Variants in EPB41L5 observed in about 807,000 individuals in gnomAD.
EPB41L5 encodes band 4.1-like protein 5.
In EPB41L5, 55 loss-of-function variants were observed where a neutral mutation model predicts 106.6. That is an observed-to-expected ratio of 0.52 (90% CI 0.42 to 0.65). EPB41L5 has a LOEUF of 0.65. Ranked by LOEUF, EPB41L5 falls within the 30% of genes least tolerant of loss-of-function variation. The probability of loss-of-function intolerance (pLI) is 0.00; values close to 1 mark genes in which losing one functional copy is unlikely to be tolerated. For missense variants in EPB41L5, 871 were observed against 882.1 expected, an observed-to-expected ratio of 0.99 and a Z score of 0.16; for synonymous variants, 297 against 306.7, an observed-to-expected ratio of 0.97 and a Z score of 0.33.
intron 2 of EPB41L5, among the ~76,000 whole-genome samples, chr2:120,036,971 G>A (rs865846410): frequency 3.3e-5 from 5 of 151,930 alleles, no homozygotes; most frequent in Admixed American, 2.0e-4. Flanking sequence ...ACATAGTACT[G>A]GAACTTCTGT....
At position 120,019,098 on chromosome 2, in the gene EPB41L5, T is replaced by C. The variant is rs2105120124; in HGVS notation, c.14T>C (p.Phe5Ser). The C allele has an allele frequency of 6.2e-7, 1 of 1,602,134 alleles. No homozygotes were observed. The highest frequency in any genetic ancestry group is 2.2e-5 in the East Asian group (1 of 44,782). Residue 5 changes from phenylalanine to serine, a missense_variant, in exon 2 of 25, where the codon TTC (phenylalanine) becomes TCC (serine). Transcript: ENST00000263713. The part of the protein sequence containing the change: MLSF[F>S]RRTLGRRSMR... ...ATAGTGACAAAAATGCTGAGTTTCT[T>C]CCGTAGAACACTAGGGCGTCGGTCT...
intron 7 of EPB41L5, 93 bp from the exon 8 acceptor site, chr2:120,076,878 G>A: frequency 8.4e-7 from 1 of 1,196,566 alleles, no homozygotes; most frequent in Non-Finnish European, 1.1e-6. Flanking sequence ...AAATTCCTAA[G>A]AATCTTTCTA....
chr2:120,046,302 T>A (rs1285336877), intron 3 of EPB41L5, among the ~76,000 whole-genome samples: 5 of 152,132 alleles, frequency 3.3e-5, no homozygotes, highest in Non-Finnish European at 5.9e-5. Flanking sequence ...ATGTCTCCAC[T>A]TCCTCTCCAG....
At chr2:120,060,128 T>G (rs995911562) in intron 3 of EPB41L5, among the ~76,000 whole-genome samples, 1 of 152,218 alleles carries the variant, frequency 6.6e-6, no homozygotes, top group Non-Finnish European at 1.5e-5. Flanking sequence ...TTGGTGAGAA[T>G]GTGCAGAAAT....
At chr2:120,104,607 T>G in intron 16 of EPB41L5, 1 of 991,796 alleles carries the variant, frequency 1.0e-6, no homozygotes, top group Non-Finnish European at 1.2e-6. Flanking sequence ...GAGATCGAGG[T>G]TAAAAGAATC....
intron 24 of EPB41L5, among the ~76,000 whole-genome samples, chr2:120,168,284 GT>G (rs780921796): frequency 7.9e-5 from 12 of 152,100 alleles, no homozygotes; most frequent in Non-Finnish European, 1.3e-4. Context: ...AATTTGTATT[GT>G]TTCCCTTTAC....
At chr2:120,084,766 C>CA (rs1682938760) in intron 10 of EPB41L5, among the ~76,000 whole-genome samples, 1 of 152,212 alleles carries the variant, frequency 6.6e-6, no homozygotes, top group South Asian at 2.1e-4. Context: ...GTACACCAAT[C>CA]AGACGTAGAT....
Position 120,161,393 on chromosome 2 carries a change from T to A in EPB41L5, c.1887+419T>A, listed in dbSNP as rs78507120. 5.5e-3 allele frequency among the ~76,000 whole-genome samples: 765 copies of A among 140,150 alleles called. 4 individuals are homozygous for A. Among genetic ancestry groups the A allele is most frequent in the African/African-American group, 0.019 (726 of 38,204 alleles). The allele number at this position is 140,150 out of a possible 152,430, so 91.9% of individuals were successfully genotyped here. A position where few individuals can be genotyped will look rare whatever the true frequency, so the allele number is the denominator to read the frequency against. ...ACTGTCTCAAAAAAAAAAAAAAAAA[T>A]GTGATAAAAGCATTGAGCCACAGTT... On this transcript the variant is annotated intron_variant, in intron 21 of 24. Transcript: ENST00000263713.
intron 13 of EPB41L5, among the ~76,000 whole-genome samples, chr2:120,092,119 C>T (rs1683462838): frequency 6.6e-6 from 1 of 152,070 alleles, no homozygotes; most frequent in Admixed American, 6.5e-5. Flanking sequence ...ACCTCCACCT[C>T]CCAGATTCAA....
intron 3 of EPB41L5, among the ~76,000 whole-genome samples, chr2:120,050,024 A>C (rs1410570398): frequency 1.3e-5 from 2 of 152,194 alleles, no homozygotes; most frequent in African/African-American, 4.8e-5. Flanking sequence ...AGTTTCTGCC[A>C]AGAGATCCAC....
intron 16 of EPB41L5, among the ~76,000 whole-genome samples, chr2:120,127,303 A>G (rs1685496744): frequency 1.3e-5 from 2 of 152,198 alleles, no homozygotes; most frequent in African/African-American, 4.8e-5. Context: ...CATGAATCTT[A>G]TTCCAACAAA....
Position 120,078,520 on chromosome 2 carries a change from G to A in EPB41L5, c.742G>A (p.Gly248Arg), listed in dbSNP as rs772917687. The A allele has an allele frequency of 6.2e-7, 1 of 1,608,984 alleles. No homozygotes were observed. Among genetic ancestry groups the A allele is most frequent in the Non-Finnish European group, 8.5e-7 (1 of 1,177,598 alleles). Reference sequence around the variant, plus strand: ...TAGAGATGGGAATGACTATAGTTTGGGACTAACACCAACAGGAGTCCTTGT... The same window carrying A: ...TAGAGATGGGAATGACTATAGTTTGAGACTAACACCAACAGGAGTCCTTGT... ...KARDGNDYSLGLTPTGVLVFE... is the reference protein window; with the variant it reads ...KARDGNDYSLRLTPTGVLVFE... The change falls in exon 10 of 25, where the codon GGA becomes AGA. Residue 248 changes from glycine (G) to arginine (R), a missense_variant. Physicochemically the swap from Gly to Arg is moderately radical, Grantham distance 125 (BLOSUM62 -2). Transcript: ENST00000263713.
intron 18 of EPB41L5, among the ~76,000 whole-genome samples, chr2:120,132,880 G>A (rs1713072): frequency 3.3e-5 from 5 of 151,790 alleles, no homozygotes; most frequent in African/African-American, 7.3e-5. Context: ...AGGGAGGAGT[G>A]GGGGGCGGGG....
At chr2:120,080,515 C>G (rs1682574160) in intron 10 of EPB41L5, among the ~76,000 whole-genome samples, 2 of 152,124 alleles carry the variant, frequency 1.3e-5, no homozygotes, top group Non-Finnish European at 1.5e-5. Context: ...CATTGATGGA[C>G]ATTGGGGTTG....
intron 3 of EPB41L5, among the ~76,000 whole-genome samples, chr2:120,064,601 G>A (rs1166915679): frequency 1.3e-5 from 2 of 152,254 alleles, no homozygotes; most frequent in African/African-American, 4.8e-5. Context: ...TGCCTAGTTC[G>A]ATAGGATGCT....
At chr2:120,084,579 T>C (rs1299558729) in intron 10 of EPB41L5, among the ~76,000 whole-genome samples, 1 of 152,196 alleles carries the variant, frequency 6.6e-6, no homozygotes, top group Non-Finnish European at 1.5e-5. Flanking sequence ...ATTTCCACTT[T>C]GGTGAATCTG....
intron 12 of EPB41L5, among the ~76,000 whole-genome samples, chr2:120,091,069 T>C (rs1683376233): frequency 6.6e-6 from 1 of 152,164 alleles, no homozygotes; most frequent in African/African-American, 2.4e-5. Context: ...TTAATAGAAG[T>C]AGTACTGTAG....
chr2:120,033,383 G>A (rs1402414328), intron 2 of EPB41L5, among the ~76,000 whole-genome samples: 1 of 152,010 alleles, frequency 6.6e-6, no homozygotes, highest in Admixed American at 6.6e-5. Flanking sequence ...TCTTTTTTGG[G>A]ATATCAGAAT....
chr2:120,047,271 T>C (rs371997331), intron 3 of EPB41L5, among the ~76,000 whole-genome samples: 1 of 152,254 alleles, frequency 6.6e-6, no homozygotes, highest in South Asian at 2.1e-4. Flanking sequence ...ATTTTCACGA[T>C]ATTGATTCTT....
Sources: gnomAD v4.1 joint callset for allele counts (sites outside exome capture counted in the v4.1 genomes callset) on GRCh38, gnomAD v4.1.1 for gene constraint, MANE v1.5 for transcripts, NCBI Gene and HGNC (gene_info 2026-07-23, HGNC 2026-07-21) for gene names.